EBF1: variants seen among roughly 807,000 people sequenced by gnomAD.
The protein encoded by EBF1 is EBF transcription factor 1, also known as transcription factor COE1.
In EBF1, 10 loss-of-function variants were observed where a neutral mutation model predicts 68.4. That is an observed-to-expected ratio of 0.15 (90% CI 0.09 to 0.25). EBF1 has a LOEUF of 0.25. Among genes scored for constraint, EBF1 ranks in the 10% least tolerant of loss-of-function variants. The pLI, the probability that EBF1 is intolerant of heterozygous loss-of-function variation, is 1.00. For synonymous variants in EBF1, 298 were observed against 299.8 expected (o/e 0.99, Z 0.06); for missense variants, 509 against 794.4 (o/e 0.64, Z 4.32).
chr5:158,796,174 C>T (rs1779581422), intron 9 of EBF1, among the ~76,000 whole-genome samples, 171 bp downstream of exon 9: 1 of 152,242 alleles, frequency 6.6e-6, no homozygotes, highest in Non-Finnish European at 1.5e-5. Context: ...GTAACTGTTG[C>T]CTCCTGGTAA....
At chr5:158,894,336 T>C (rs1017493013) in intron 6 of EBF1, among the ~76,000 whole-genome samples, 4 of 152,186 alleles carry the variant, frequency 2.6e-5, no homozygotes, top group African/African-American at 9.6e-5. Context: ...TGAATTTTTT[T>C]TCTTTGGTTC....
intron 6 of EBF1, among the ~76,000 whole-genome samples, chr5:158,877,869 G>T (rs777911657): frequency 6.6e-6 from 1 of 151,674 alleles, no homozygotes; most frequent in Non-Finnish European, 1.5e-5. Flanking sequence ...AGTCATTTCC[G>T]GTCGCCATAT....
intron 6 of EBF1, among the ~76,000 whole-genome samples, chr5:158,849,238 T>A (rs1363332727): frequency 6.6e-6 from 1 of 152,220 alleles, no homozygotes; most frequent in Non-Finnish European, 1.5e-5. Flanking sequence ...GATCAGTGAA[T>A]CTTTCAAAGT....
Position 159,096,417 on chromosome 5 carries a change from T to A in EBF1, c.292-11A>T. 1 of 1,612,638 alleles carries A rather than the reference T, an allele frequency of 6.2e-7. No individual in the cohort carries two copies. The highest frequency in any genetic ancestry group is 8.5e-7 in the Non-Finnish European group (1 of 1,179,348). ...TTCGCTGTTGGCTTCCTGGGTTGCATCAGGACGCAAAGACACAAGAGATGC... is the reference window on the plus strand; with the variant it reads ...TTCGCTGTTGGCTTCCTGGGTTGCAACAGGACGCAAAGACACAAGAGATGC... On this transcript the variant is annotated splice_polypyrimidine_tract_variant and intron_variant, in intron 2 of 15. Transcript: ENST00000313708.
At chr5:158,985,571 T>G (rs1384206898) in intron 6 of EBF1, among the ~76,000 whole-genome samples, 1 of 152,242 alleles carries the variant, frequency 6.6e-6, no homozygotes, top group Admixed American at 6.5e-5. Flanking sequence ...CAAAATACTT[T>G]TAAAATGCAA....
intron 10 of EBF1, among the ~76,000 whole-genome samples, chr5:158,753,010 TAG>T (rs1182130475): frequency 1.3e-5 from 2 of 152,078 alleles, no homozygotes; most frequent in Non-Finnish European, 2.9e-5. Context: ...AATTATGAAC[TAG>T]AGTTTGTTTT....
At chr5:159,085,723 A>G (rs1780513465) in intron 4 of EBF1, among the ~76,000 whole-genome samples, 1 of 152,202 alleles carries the variant, frequency 6.6e-6, no homozygotes, top group Admixed American at 6.5e-5. Context: ...CTTGATGACA[A>G]AACTACTTAA....
At chr5:158,798,447 T>C (rs1303971946) in intron 8 of EBF1, among the ~76,000 whole-genome samples, 4 of 152,184 alleles carry the variant, frequency 2.6e-5, no homozygotes, top group Non-Finnish European at 4.4e-5. Flanking sequence ...TTTAGCTAAA[T>C]ACGGTCTCCT....
intron 6 of EBF1, among the ~76,000 whole-genome samples, chr5:158,863,083 C>T (rs1315186152): frequency 6.6e-6 from 1 of 152,192 alleles, no homozygotes; most frequent in Non-Finnish European, 1.5e-5. Context: ...AGCTAAATCT[C>T]TTGTCCCCTA....
At chr5:159,070,622 T>C (rs1777628436) in intron 6 of EBF1, among the ~76,000 whole-genome samples, 2 of 152,122 alleles carry the variant, frequency 1.3e-5, no homozygotes, top group Admixed American at 6.6e-5. Context: ...TTTTGACTGA[T>C]AAAAATAGTA....
At chr5:158,712,864 C>G (rs1759725652) in intron 13 of EBF1, 106 bp downstream of exon 13, 16 of 1,162,584 alleles carry the variant, frequency 1.4e-5, no homozygotes, top group Non-Finnish European at 1.8e-5. Flanking sequence ...AAGAATCTCC[C>G]TTTTGGGATG....
chr5:158,764,337 G>A (rs1288326976), intron 10 of EBF1, among the ~76,000 whole-genome samples: 2 of 152,160 alleles, frequency 1.3e-5, no homozygotes, highest in Non-Finnish European at 2.9e-5. Context: ...CTTTAGCCAA[G>A]TCTTTAAAAC....
rs575789874 is a variant in EBF1, at chr5:158,775,205, G to A, written c.1036+2208C>T. Among the ~76,000 whole-genome samples the A allele has an allele frequency of 8.6e-4, 130 of 151,684 alleles. 1 individual carries two copies. The highest frequency in any genetic ancestry group is 1.4e-3 in the Non-Finnish European group (96 of 67,902). On this transcript the variant is annotated intron_variant, in intron 10 of 15. Transcript: ENST00000313708. ...CTAAGATGTGATTTCTTAAACTGAT[G>A]GCAATTTTTTTTTTTAGTGTTTAAA...
chr5:158,968,132 C>T (rs979692135), intron 6 of EBF1, among the ~76,000 whole-genome samples: 5 of 152,050 alleles, frequency 3.3e-5, no homozygotes, highest in Middle Eastern at 3.2e-3. Flanking sequence ...TAAGTCAGTG[C>T]GATTCATTTA....
At position 158,810,279 on chromosome 5, in the gene EBF1, G is replaced by A. The variant is rs186614317; in HGVS notation, c.778+12897C>T. On this transcript the variant is annotated intron_variant, in intron 8 of 15. Transcript: ENST00000313708. Reference sequence around the variant, plus strand: ...ATACACCCAACAGCATTTGCCTCAGGCCCAGCACATAGTAGGTGCTCAGTA... The same window carrying A: ...ATACACCCAACAGCATTTGCCTCAGACCCAGCACATAGTAGGTGCTCAGTA... Among the ~76,000 whole-genome samples the A allele has an allele frequency of 1.3e-5, 2 of 152,258 alleles. 1 individual carries two copies. The highest frequency in any genetic ancestry group is 1.3e-4 in the Admixed American group (2 of 15,284).
At chr5:159,053,074 C>A (rs947571708) in intron 6 of EBF1, among the ~76,000 whole-genome samples, 1 of 152,110 alleles carries the variant, frequency 6.6e-6, no homozygotes, top group African/African-American at 2.4e-5. Context: ...TTAAGGGCTG[C>A]GCTTAGAAAA....
At chr5:159,090,811 T>A (rs1014577537) in intron 4 of EBF1, among the ~76,000 whole-genome samples, 4 of 150,562 alleles carry the variant, frequency 2.7e-5, no homozygotes, top group African/African-American at 9.8e-5. Context: ...AATGGGGTAA[T>A]AATAATAATA....
intron 6 of EBF1, among the ~76,000 whole-genome samples, chr5:158,947,060 T>C (rs1261471381): frequency 2.0e-5 from 3 of 152,134 alleles, no homozygotes; most frequent in Non-Finnish European, 4.4e-5. Context: ...GCATCCCAGG[T>C]TGACTTCAGA....
chr5:158,990,891 C>T (rs1760172880), intron 6 of EBF1, among the ~76,000 whole-genome samples: 1 of 152,146 alleles, frequency 6.6e-6, no homozygotes, highest in African/African-American at 2.4e-5. Context: ...TCAATTAAAC[C>T]CATCAATTTC....
Sources: gnomAD v4.1 joint callset for allele counts (sites outside exome capture counted in the v4.1 genomes callset) on GRCh38, gnomAD v4.1.1 for gene constraint, MANE v1.5 for transcripts, NCBI Gene and HGNC (gene_info 2026-07-23, HGNC 2026-07-21) for gene names.